RPS6KC1: variants seen among roughly 807,000 people sequenced by gnomAD.
RPS6KC1 encodes the protein ribosomal protein S6 kinase C1.
In RPS6KC1, 54 loss-of-function variants were observed where a neutral mutation model predicts 103.8. The observed-to-expected ratio is 0.52, with a 90% CI of 0.42 to 0.65. The LOEUF is 0.65. Among genes scored for constraint, RPS6KC1 ranks in the 30% least tolerant of loss-of-function variants. The pLI, the probability that RPS6KC1 is intolerant of heterozygous loss-of-function variation, is 0.00. For missense variants in RPS6KC1, 1,151 were observed against 1,253.8 expected, an observed-to-expected ratio of 0.92 and a Z score of 1.24; for synonymous variants, 439 against 438.7, an observed-to-expected ratio of 1.00 and a Z score of -0.01.
At chr1:213,801,288 C>T in the RPS6KC1 span, among the ~76,000 whole-genome samples, 5 of 152,176 alleles carry the variant, frequency 3.3e-5, no homozygotes, top group Non-Finnish European at 5.9e-5. Flanking sequence ...TGCACATACT[C>T]GCACATATGA....
chr1:213,596,651 G>A, the RPS6KC1 span, among the ~76,000 whole-genome samples: 1 of 152,232 alleles, frequency 6.6e-6, no homozygotes, highest in African/African-American at 2.4e-5. Flanking sequence ...TATTTTGGCT[G>A]TTTCTTAGCA....
At chr1:213,371,781 T>C in the RPS6KC1 span, among the ~76,000 whole-genome samples, 1 of 152,240 alleles carries the variant, frequency 6.6e-6, no homozygotes, top group Non-Finnish European at 1.5e-5. Context: ...TGGCCTGCAC[T>C]GAAATGGGGC....
At chr1:213,111,001 A>G (rs1317383960) in intron 4 of RPS6KC1, among the ~76,000 whole-genome samples, 1 of 151,834 alleles carries the variant, frequency 6.6e-6, no homozygotes, top group Middle Eastern at 3.2e-3. Context: ...TCAAAAGTGA[A>G]CCTGCTGGTT....
chr1:213,286,693 A>C, the RPS6KC1 span, among the ~76,000 whole-genome samples: 1 of 152,242 alleles, frequency 6.6e-6, no homozygotes, highest in Non-Finnish European at 1.5e-5. Context: ...AATGAAAAAG[A>C]AGTGATAGAA....
the RPS6KC1 span, among the ~76,000 whole-genome samples, chr1:213,488,006 A>G: frequency 6.6e-6 from 1 of 151,960 alleles, no homozygotes; most frequent in African/African-American, 2.4e-5. Context: ...TTAGGTTTCC[A>G]TTTAAGAATC....
chr1:213,087,779 C>G (rs150118133), intron 3 of RPS6KC1, among the ~76,000 whole-genome samples: 2 of 152,316 alleles, frequency 1.3e-5, no homozygotes, highest in East Asian at 3.9e-4. Flanking sequence ...GTTTCTAACT[C>G]TCTGGCTCCT....
In RPS6KC1 at chr1:213,176,464, C is replaced by T. The variant is rs376318262; in HGVS notation, c.1016C>T (p.Ala339Val). 7 of 1,607,192 alleles carry T rather than the reference C, an allele frequency of 4.4e-6. No individual in the cohort carries two copies. In the African/African-American group the frequency reaches 9.4e-5, roughly 21 times the overall value. Residue 339 changes from alanine to valine, a missense_variant, in exon 8 of 15, where the codon GCC becomes GTC. Ala to Val is a moderately conservative substitution (Grantham distance 64). Transcript: ENST00000366960. The part of the protein sequence containing the change: ...NLRSPAEELK[A>V]FRVLGVIDKV... ...AGGAGCCCTGCCGAGGAGCTGAAGG[C>T]CTTCAGAGTCCTTGGGGTGATTGAC... is the stretch of plus-strand genomic sequence containing the variant.
At chr1:213,633,615 G>C in the RPS6KC1 span, among the ~76,000 whole-genome samples, 1 of 151,912 alleles carries the variant, frequency 6.6e-6, no homozygotes, top group African/African-American at 2.4e-5. Flanking sequence ...TAAAACCATC[G>C]ATGCTAGGAA....
the RPS6KC1 span, among the ~76,000 whole-genome samples, chr1:213,635,134 C>T: frequency 1.3e-5 from 2 of 152,118 alleles, no homozygotes; most frequent in Admixed American, 6.6e-5. Context: ...TAATTAAGAG[C>T]CTACCAACCA....
the RPS6KC1 span, chr1:213,818,731 G>A: frequency 6.6e-6 from 1 of 152,362 alleles, no homozygotes; most frequent in South Asian, 2.1e-4. Flanking sequence ...TCCCTGCACA[G>A]ATGGATGAAA....
the RPS6KC1 span, among the ~76,000 whole-genome samples, chr1:213,666,393 A>G: frequency 1.3e-5 from 2 of 152,028 alleles, no homozygotes; most frequent in Non-Finnish European, 2.9e-5. Context: ...GCAGTCCATC[A>G]CCTCCCGCAG....
At chr1:213,725,134 G>A in the RPS6KC1 span, among the ~76,000 whole-genome samples, 1 of 152,154 alleles carries the variant, frequency 6.6e-6, no homozygotes, top group Admixed American at 6.5e-5. Flanking sequence ...TCCAACAAGC[G>A]ACTGCCAACA....
At chr1:213,484,141 A>G in the RPS6KC1 span, among the ~76,000 whole-genome samples, 1 of 151,832 alleles carries the variant, frequency 6.6e-6, no homozygotes, top group East Asian at 1.9e-4. Context: ...AAGACAACCC[A>G]TGATATAATT....
the RPS6KC1 span, among the ~76,000 whole-genome samples, chr1:213,302,032 G>A: frequency 6.6e-5 from 10 of 151,986 alleles, no homozygotes; most frequent in Admixed American, 4.6e-4. Flanking sequence ...CACTGTGCCC[G>A]GCCAAGACCC....
the RPS6KC1 span, among the ~76,000 whole-genome samples, chr1:213,451,168 A>G: frequency 6.6e-6 from 1 of 152,186 alleles, no homozygotes; most frequent in Non-Finnish European, 1.5e-5. Context: ...GTAAGGGAGG[A>G]GAAAACAGTT....
chr1:213,143,745 A>C (rs558535170), intron 6 of RPS6KC1, among the ~76,000 whole-genome samples: 1 of 151,654 alleles, frequency 6.6e-6, no homozygotes, highest in Non-Finnish European at 1.5e-5. Flanking sequence ...TTTCAAAACA[A>C]ATTTTTAATT....
chr1:213,238,210 G>A (rs1363815384), intron 10 of RPS6KC1, among the ~76,000 whole-genome samples: 3 of 152,172 alleles, frequency 2.0e-5, no homozygotes, highest in Non-Finnish European at 4.4e-5. Flanking sequence ...ATGTATATAT[G>A]ATGTCCAGTT....
chr1:213,201,361 C>T (rs953896729), intron 8 of RPS6KC1, among the ~76,000 whole-genome samples: 1 of 152,158 alleles, frequency 6.6e-6, no homozygotes, highest in Non-Finnish European at 1.5e-5. Context: ...CATGAAGAAG[C>T]TTTATATTAT....
the RPS6KC1 span, among the ~76,000 whole-genome samples, chr1:213,836,789 C>G: frequency 5.9e-5 from 9 of 152,110 alleles, no homozygotes; most frequent in African/African-American, 1.9e-4. Context: ...TATATGTGCT[C>G]AGAACCCTCT....
Sources: gnomAD v4.1 joint callset for allele counts (sites outside exome capture counted in the v4.1 genomes callset) on GRCh38, gnomAD v4.1.1 for gene constraint, MANE v1.5 for transcripts, NCBI Gene and HGNC (gene_info 2026-07-23, HGNC 2026-07-21) for gene names.